Variants in FSTL5 observed in about 807,000 individuals in gnomAD.
FSTL5 encodes the protein follistatin like 5.
Under a neutral mutation model 89.1 loss-of-function variants are expected in FSTL5, and 62 were observed. The observed-to-expected ratio is 0.70, with a 90% confidence interval of 0.57 to 0.86. The LOEUF (loss-of-function observed/expected upper bound fraction) is 0.86. FSTL5 is among the 40% of genes least tolerant of loss of function. The pLI, the probability that FSTL5 is intolerant of heterozygous loss-of-function variation, is 0.00. For missense variants in FSTL5, 1,057 were observed against 1,001.6 expected, an observed-to-expected ratio of 1.06 and a Z score of -0.75; for synonymous variants, 383 against 346.2, an observed-to-expected ratio of 1.11 and a Z score of -1.18.
chr4:162,041,616 A>G (rs553097088), intron 2 of FSTL5, among the ~76,000 whole-genome samples: 1 of 152,212 alleles, frequency 6.6e-6, no homozygotes, highest in African/African-American at 2.4e-5. Context: ...CTTATTGTAT[A>G]TTCATATTGT....
At chr4:161,413,542 C>A (rs2110943945) in intron 15 of FSTL5, among the ~76,000 whole-genome samples, 1 of 152,196 alleles carries the variant, frequency 6.6e-6, no homozygotes, top group Admixed American at 6.5e-5. Context: ...TAAAACAGAG[C>A]TACCGTTTTA....
intron 6 of FSTL5, among the ~76,000 whole-genome samples, chr4:161,721,284 CAA>C (rs34307838): frequency 1.1e-4 from 7 of 65,116 alleles, no homozygotes; most frequent in South Asian, 7.3e-4. Context: ...GACTCCGTCT[CAA>C]AAAAAAAAAA....
intron 4 of FSTL5, among the ~76,000 whole-genome samples, chr4:161,910,815 T>C (rs1237980760): frequency 6.6e-6 from 1 of 152,192 alleles, no homozygotes; most frequent in East Asian, 1.9e-4. Flanking sequence ...TGGCAGATTT[T>C]TTCCACTTAA....
chr4:161,667,175 A>C (rs551133469), intron 6 of FSTL5, among the ~76,000 whole-genome samples: 4 of 152,144 alleles, frequency 2.6e-5, no homozygotes, highest in African/African-American at 9.6e-5. Context: ...ATTATCTTTC[A>C]AGGGTTCTGT....
chr4:162,014,864 A>T (rs866510953), intron 3 of FSTL5, among the ~76,000 whole-genome samples: 5 of 152,136 alleles, frequency 3.3e-5, no homozygotes, highest in South Asian at 4.1e-4. Context: ...GGCTTTTCTT[A>T]AAAAAAGAAG....
chr4:161,869,816 ATTTGT>A (rs1335977932), intron 4 of FSTL5, among the ~76,000 whole-genome samples: 5 of 152,212 alleles, frequency 3.3e-5, no homozygotes, highest in African/African-American at 1.2e-4. Context: ...ACAGATAGGT[ATTTGT>A]CCAGGGTGTA....
At chr4:161,844,600 A>G (rs1247732059) in intron 4 of FSTL5, among the ~76,000 whole-genome samples, 1 of 152,206 alleles carries the variant, frequency 6.6e-6, no homozygotes, top group Non-Finnish European at 1.5e-5. Context: ...ATGGAATACC[A>G]TGCAACCATA....
chr4:161,869,775 G>A (rs1732205107), intron 4 of FSTL5, among the ~76,000 whole-genome samples: 2 of 152,232 alleles, frequency 1.3e-5, no homozygotes, highest in Non-Finnish European at 2.9e-5. Context: ...CACTGTGCCA[G>A]TGTTAATACA....
At chr4:161,604,074 A>G (rs1184019508) in intron 7 of FSTL5, among the ~76,000 whole-genome samples, 1 of 152,154 alleles carries the variant, frequency 6.6e-6, no homozygotes, top group Admixed American at 6.5e-5. Flanking sequence ...AACTCTTGAT[A>G]TTTGTGCTCC....
At chr4:161,546,280 TA>T (rs1393757731) in intron 8 of FSTL5, among the ~76,000 whole-genome samples, 7 of 134,218 alleles carry the variant, frequency 5.2e-5, no homozygotes, top group African/African-American at 2.1e-4. Flanking sequence ...ATATGCATAT[TA>T]TATATACATA....
chr4:161,407,577 C>G (rs1731429892), intron 15 of FSTL5, among the ~76,000 whole-genome samples: 3 of 141,124 alleles, frequency 2.1e-5, no homozygotes, highest in Admixed American at 1.4e-4. Context: ...CCCATACCCC[C>G]ACAGACCTAT....
chr4:161,924,822 A>G (rs1734080898), intron 3 of FSTL5, among the ~76,000 whole-genome samples: 1 of 151,894 alleles, frequency 6.6e-6, no homozygotes. Flanking sequence ...GCTGCCTTTA[A>G]CTATTATTAT....
At chr4:162,145,103 GA>G (rs1732921671) in intron 1 of FSTL5, among the ~76,000 whole-genome samples, 3 of 139,842 alleles carry the variant, frequency 2.1e-5, no homozygotes, top group Non-Finnish European at 3.2e-5. Flanking sequence ...AATATGTAAT[GA>G]ATACACACAT....
chr4:161,850,641 G>A (rs1311659790), intron 4 of FSTL5, among the ~76,000 whole-genome samples: 1 of 152,140 alleles, frequency 6.6e-6, no homozygotes, highest in Non-Finnish European at 1.5e-5. Context: ...GTTGTCTAAG[G>A]CTGATGGGAG....
intron 4 of FSTL5, among the ~76,000 whole-genome samples, chr4:161,911,818 A>C (rs1456913740): frequency 6.6e-6 from 1 of 152,174 alleles, no homozygotes; most frequent in African/African-American, 2.4e-5. Context: ...CAATATTGCT[A>C]ATTATTCATG....
intron 6 of FSTL5, among the ~76,000 whole-genome samples, chr4:161,684,337 T>C (rs2126711861): frequency 6.6e-6 from 1 of 152,296 alleles, no homozygotes; most frequent in East Asian, 1.9e-4. Context: ...TTTTAGATCT[T>C]TAAGGAATTT....
chr4:161,831,974 G>C lies in FSTL5; in HGVS notation c.410-55900C>G, dbSNP rs1369903688. On this transcript the variant is annotated intron_variant, in intron 4 of 15. Coordinates refer to ENST00000306100, the MANE Select transcript of FSTL5 (RefSeq NM_020116.5). ...GATTCAGATACTAATAAGAGACATTGACCAGTTAAAACCATGAATTCACTG... is the reference window on the plus strand; with the variant it reads ...GATTCAGATACTAATAAGAGACATTCACCAGTTAAAACCATGAATTCACTG... Among the ~76,000 whole-genome samples the C allele has an allele frequency of 3.3e-5, 5 of 152,024 alleles. No individual in the cohort carries two copies. The South Asian group carries it at 6.2e-4, about 19-fold the overall frequency.
intron 3 of FSTL5, among the ~76,000 whole-genome samples, chr4:162,022,200 A>C (rs1461744254): frequency 6.6e-6 from 1 of 152,098 alleles, no homozygotes; most frequent in Non-Finnish European, 1.5e-5. Context: ...CAATATATTC[A>C]TGTAACAAAA....
chr4:161,704,504 T>C (rs1738504690), intron 6 of FSTL5, among the ~76,000 whole-genome samples: 3 of 152,134 alleles, frequency 2.0e-5, no homozygotes, highest in South Asian at 2.1e-4. Context: ...AGAACGTTAA[T>C]TTCTTAGAGG....
Sources: allele counts gnomAD v4.1 joint callset (sites outside exome capture counted in the v4.1 genomes callset), GRCh38; gene constraint gnomAD v4.1.1; transcripts MANE v1.5; gene names NCBI Gene and HGNC (gene_info 2026-07-23, HGNC 2026-07-21).